The following LRRC8D variants were observed in gnomAD, a reference collection of about 807,000 sequenced individuals.
The protein encoded by LRRC8D is leucine rich repeat containing 8 VRAC subunit D, also known as volume-regulated anion channel subunit LRRC8D.
In LRRC8D, 20 loss-of-function variants were observed where a neutral mutation model predicts 55.8. That is an observed-to-expected ratio of 0.36 (90% confidence interval 0.25 to 0.52). The LOEUF (loss-of-function observed/expected upper bound fraction) is 0.52. LRRC8D is among the 20% of genes least tolerant of loss of function. The pLI, the probability that LRRC8D is intolerant of heterozygous loss-of-function variation, is 0.93. For synonymous variants in LRRC8D, 352 were observed against 377.0 expected (o/e 0.93, Z 0.77); for missense variants, 651 against 1,030.8 (o/e 0.63, Z 5.05).
intron 2 of LRRC8D, among the ~76,000 whole-genome samples, chr1:89,855,174 A>T (rs968323985): frequency 3.9e-5 from 6 of 152,100 alleles, no homozygotes; most frequent in African/African-American, 9.7e-5. Context: ...TATTCAGAGG[A>T]TCTTACCTTA....
At chr1:89,853,293 T>C (rs1418849362) in intron 2 of LRRC8D, among the ~76,000 whole-genome samples, 2 of 152,114 alleles carry the variant, frequency 1.3e-5, no homozygotes, top group African/African-American at 2.4e-5. Flanking sequence ...TTAGGGACAA[T>C]TGTGAGTTCA....
chr1:89,877,067 G>T, intron 2 of LRRC8D, among the ~76,000 whole-genome samples: 1 of 152,228 alleles, frequency 6.6e-6, no homozygotes, highest in East Asian at 1.9e-4. Flanking sequence ...GGATAATGCA[G>T]AACTGCAGAA....
chr1:89,887,219 G>C (rs1425025979), intron 2 of LRRC8D, among the ~76,000 whole-genome samples: 1 of 152,194 alleles, frequency 6.6e-6, no homozygotes, highest in East Asian at 1.9e-4. Flanking sequence ...CCTTTGAGCA[G>C]TGCTTGGATA....
chr1:89,891,032 C>A lies in LRRC8D; in HGVS notation c.-2-42035C>A, dbSNP rs373896593. Among the ~76,000 whole-genome samples, 14 of 152,298 alleles carry A rather than the reference C, an allele frequency of 9.2e-5. 1 individual carries two copies. The highest frequency in any genetic ancestry group is 3.3e-4 in the Admixed American group (5 of 15,296). ...GAGTAGCTGGGACTGCAGGCGCCCA[C>A]CACCATGCCCAGCTAATTTTTGTAT... is the stretch of plus-strand genomic sequence containing the variant. On this transcript the variant is annotated intron_variant, in intron 2 of 2. Transcript: ENST00000337338.
intron 1 of LRRC8D, chr1:89,843,301 G>C (rs1661181233): frequency 5.1e-6 from 1 of 194,850 alleles, no homozygotes; most frequent in South Asian, 1.9e-4. Flanking sequence ...GGGCACCGGC[G>C]GAGGAAGCGT....
chr1:89,895,148 C>A (rs2100891370), intron 2 of LRRC8D, among the ~76,000 whole-genome samples: 2 of 152,322 alleles, frequency 1.3e-5, no homozygotes, highest in East Asian at 3.9e-4. Flanking sequence ...AAAATTATTA[C>A]ATTATCCTAA....
At position 89,838,269 on chromosome 1, in the gene LRRC8D, G is replaced by A. The variant is rs139242171; in HGVS notation, c.-147-5369G>A. The stretch of plus-strand genomic sequence containing the variant: ...GAGCTCCTGTAGTCCCAGCTACTGG[G>A]GAGGCTAAGGTGGGAGGATTGGTTG... On this transcript the variant is annotated intron_variant, in intron 1 of 2. Coordinates refer to ENST00000337338, the MANE Select transcript of LRRC8D (RefSeq NM_001134479.2). Among the ~76,000 whole-genome samples the A allele has an allele frequency of 2.4e-3, 359 of 152,136 alleles. 1 individual carries two copies. Among genetic ancestry groups the A allele is most frequent in the Non-Finnish European group, 4.2e-3 (288 of 68,018 alleles).
intron 2 of LRRC8D, among the ~76,000 whole-genome samples, chr1:89,859,066 T>C (rs1557454217): frequency 6.6e-6 from 1 of 151,946 alleles, no homozygotes; most frequent in Non-Finnish European, 1.5e-5. Flanking sequence ...TTTAATAAAT[T>C]TTCTTTACAA....
intron 2 of LRRC8D, among the ~76,000 whole-genome samples, chr1:89,851,276 G>C (rs892207219): frequency 6.6e-6 from 1 of 151,854 alleles, no homozygotes; most frequent in African/African-American, 2.4e-5. Context: ...TGACTGCATG[G>C]GTGAATACTC....
chr1:89,868,846 G>A (rs1354406192), intron 2 of LRRC8D, among the ~76,000 whole-genome samples: 2 of 152,086 alleles, frequency 1.3e-5, no homozygotes, highest in African/African-American at 2.4e-5. Flanking sequence ...GCAGTAATTG[G>A]GAGGATATAG....
intron 2 of LRRC8D, among the ~76,000 whole-genome samples, chr1:89,868,973 C>T (rs1661925144): frequency 6.6e-6 from 1 of 152,152 alleles, no homozygotes; most frequent in African/African-American, 2.4e-5. Context: ...GTGGTATGAT[C>T]TTTGCTCATT....
chr1:89,916,471 C>T (rs1365528927), intron 2 of LRRC8D, among the ~76,000 whole-genome samples: 2 of 152,190 alleles, frequency 1.3e-5, no homozygotes, highest in African/African-American at 4.8e-5. Context: ...CTTCGAAAGG[C>T]CAACCCTTTA....
intron 2 of LRRC8D, among the ~76,000 whole-genome samples, chr1:89,871,358 T>A (rs1007647169): frequency 6.6e-6 from 1 of 152,232 alleles, no homozygotes; most frequent in Non-Finnish European, 1.5e-5. Context: ...TGGAGACTCA[T>A]TAATGATTAA....
chr1:89,920,253 C>T (rs1478318058), intron 2 of LRRC8D, among the ~76,000 whole-genome samples: 1 of 152,186 alleles, frequency 6.6e-6, no homozygotes, highest in Non-Finnish European at 1.5e-5. Context: ...AATAGCACTA[C>T]ACTAGGAAGA....
intron 1 of LRRC8D, among the ~76,000 whole-genome samples, chr1:89,822,974 T>A (rs560311004): frequency 6.6e-6 from 1 of 152,298 alleles, no homozygotes; most frequent in African/African-American, 2.4e-5. Flanking sequence ...AAAAGTTGAT[T>A]TGGGGTGTTT....
At chr1:89,892,046 C>T (rs1473947334) in intron 2 of LRRC8D, among the ~76,000 whole-genome samples, 1 of 152,154 alleles carries the variant, frequency 6.6e-6, no homozygotes, top group Non-Finnish European at 1.5e-5. Flanking sequence ...TTGTTTTGAG[C>T]CTGTGTAACC....
rs181133935 is a variant in LRRC8D, at chr1:89,926,778, A to C, written c.-2-6289A>C. ...TATAGGAAAGTAGCTTGCAAACCGA[A>C]AAGCACTGCAAACATGAGAAATAAA... On this transcript the variant is annotated intron_variant, in intron 2 of 2. Transcript: ENST00000337338. Among the ~76,000 whole-genome samples the C allele has an allele frequency of 5.1e-3, 784 of 152,336 alleles. 4 individuals are homozygous for C. The highest frequency in any genetic ancestry group is 8.5e-3 in the Non-Finnish European group (581 of 68,020).
At chr1:89,931,283 C>T (rs931287376) in intron 2 of LRRC8D, among the ~76,000 whole-genome samples, 2 of 147,896 alleles carry the variant, frequency 1.4e-5, no homozygotes, top group Non-Finnish European at 3.0e-5. Context: ...AAAAAAAGAC[C>T]TGGTCCCTGC....
At chr1:89,830,855 G>T (rs1660868134) in intron 1 of LRRC8D, among the ~76,000 whole-genome samples, 1 of 151,748 alleles carries the variant, frequency 6.6e-6, no homozygotes, top group Non-Finnish European at 1.5e-5. Flanking sequence ...TAGCCCTTTA[G>T]TGGCCAGATA....
Sources: allele counts gnomAD v4.1 joint callset (sites outside exome capture counted in the v4.1 genomes callset), GRCh38; gene constraint gnomAD v4.1.1; transcripts MANE v1.5; gene names NCBI Gene and HGNC (gene_info 2026-07-23, HGNC 2026-07-21).